PTPRG: variants seen among roughly 807,000 people sequenced by gnomAD.
PTPRG encodes protein tyrosine phosphatase receptor type G.
PTPRG carries 102 observed loss-of-function variants against 165.3 expected under a neutral mutation model. The ratio of observed to expected loss-of-function variants is 0.62; its 90% CI spans 0.53 to 0.73. The LOEUF is 0.73. Ranked by LOEUF, PTPRG falls within the 30% of genes least tolerant of loss-of-function variation. The pLI, the probability that PTPRG is intolerant of heterozygous loss-of-function variation, is 0.00. For missense variants in PTPRG, 1,866 were observed against 1,861.4 expected, an observed-to-expected ratio of 1.00 and a Z score of -0.05; for synonymous variants, 675 against 669.5, an observed-to-expected ratio of 1.01 and a Z score of -0.13.
rs150155549 is a variant in PTPRG at position 61,779,476 on chromosome 3, C to A, written c.190+30494C>A. 6.2e-3 allele frequency among the ~76,000 whole-genome samples: 940 copies of A among 152,180 alleles called. 9 individuals are homozygous for A. Among genetic ancestry groups the A allele is most frequent in the Non-Finnish European group, 0.011 (729 of 67,998 alleles). On this transcript the variant is annotated intron_variant, in intron 2 of 29. Transcript: ENST00000474889. Reference sequence around the variant, plus strand: ...GCACTGTACATCACAGATGACTTGACCCCGGGGAGATAGGGCTAAAATATC... The same window carrying A: ...GCACTGTACATCACAGATGACTTGAACCCGGGGAGATAGGGCTAAAATATC...
intron 6 of PTPRG, among the ~76,000 whole-genome samples, chr3:62,151,365 A>G (rs1704330098): frequency 6.6e-6 from 1 of 152,166 alleles, no homozygotes; most frequent in Admixed American, 6.6e-5. Context: ...CTGGTTATTC[A>G]TATTGTCATT....
chr3:61,974,130 T>A (rs1415836522), intron 2 of PTPRG, among the ~76,000 whole-genome samples: 1 of 152,170 alleles, frequency 6.6e-6, no homozygotes, highest in East Asian at 1.9e-4. Flanking sequence ...TTAGAGTGTG[T>A]TGGTATTGTT....
intron 7 of PTPRG, among the ~76,000 whole-genome samples, chr3:62,161,610 T>C (rs1473555692): frequency 6.6e-6 from 1 of 152,214 alleles, no homozygotes; most frequent in Non-Finnish European, 1.5e-5. Flanking sequence ...GATGCCATAT[T>C]AATCCAAGAG....
rs565759952 is a variant in PTPRG at position 62,002,854 on chromosome 3, A to G, written c.371-495A>G. On this transcript the variant is annotated intron_variant, in intron 3 of 29. Transcript: ENST00000474889. ...TGCCTTGATATTGGAAGCACCCACA[A>G]ATTTTTATTTCCTGATATCTTGCCT... Among the ~76,000 whole-genome samples the G allele has an allele frequency of 7.2e-5, 11 of 152,272 alleles. No homozygotes were observed. In the East Asian group the frequency reaches 1.5e-3, roughly 21 times the overall value.
chr3:61,815,830 C>T (rs1559627451), intron 2 of PTPRG, among the ~76,000 whole-genome samples: 2 of 152,206 alleles, frequency 1.3e-5, no homozygotes, highest in Admixed American at 1.3e-4. Flanking sequence ...GGAATGAATA[C>T]AGCAGAACAT....
intron 1 of PTPRG, among the ~76,000 whole-genome samples, chr3:61,595,783 T>C (rs1464839950): frequency 6.6e-6 from 1 of 152,230 alleles, no homozygotes; most frequent in Non-Finnish European, 1.5e-5. Flanking sequence ...ATCTATCTAG[T>C]GTTCACTCCA....
chr3:61,944,326 G>A (rs1000199965), intron 2 of PTPRG, among the ~76,000 whole-genome samples: 34 of 152,188 alleles, frequency 2.2e-4, no homozygotes, highest in African/African-American at 8.2e-4. Context: ...TGTGATCGGA[G>A]CGCATCTTAC....
intron 2 of PTPRG, among the ~76,000 whole-genome samples, chr3:61,825,306 C>T (rs1397665540): frequency 6.6e-6 from 1 of 152,146 alleles, no homozygotes; most frequent in African/African-American, 2.4e-5. Flanking sequence ...AAGTTAAATG[C>T]TTCAAGTGTA....
chr3:61,722,222 T>TAC (rs111827362), intron 1 of PTPRG, among the ~76,000 whole-genome samples: 27,161 of 148,962 alleles, frequency 0.18, 3,217 homozygotes, highest in East Asian at 0.53. Context: ...GCAAAACAAA[T>TAC]ACACACACAC....
chr3:61,877,553 T>C (rs1027716840), intron 2 of PTPRG, among the ~76,000 whole-genome samples: 1 of 152,204 alleles, frequency 6.6e-6, no homozygotes. Flanking sequence ...GAGTGGTTAA[T>C]GCAAGCATAC....
intron 2 of PTPRG, among the ~76,000 whole-genome samples, chr3:61,754,988 T>C (rs1303928340): frequency 6.6e-6 from 1 of 151,982 alleles, no homozygotes; most frequent in African/African-American, 2.4e-5. Context: ...CTCCTTCTTC[T>C]TCTTCTTTTT....
chr3:62,271,257 C>G lies in PTPRG; in HGVS notation c.3010-126C>G. ...GAAAGTTGGCTACAAGGGGGAATAACCTAGCCTGGGAACAGTGATTAGGGT... is the reference window on the plus strand; with the variant it reads ...GAAAGTTGGCTACAAGGGGGAATAAGCTAGCCTGGGAACAGTGATTAGGGT... On this transcript the variant is annotated intron_variant, in intron 20 of 29. Coordinates refer to ENST00000474889, the MANE Select transcript of PTPRG (RefSeq NM_002841.4). The surrounding 1 kb of genome is among the most constrained non-coding windows in gnomAD (Gnocchi z 4.1). The G allele has an allele frequency of 1.3e-6, 1 of 783,036 alleles. No individual in the cohort carries two copies. The highest frequency in any genetic ancestry group is 1.9e-6 in the Non-Finnish European group (1 of 514,244). The allele number at this position is 783,036 out of a possible 1,614,324, so 48.5% of individuals were successfully genotyped here.
chr3:61,704,183 G>A (rs940304929), intron 1 of PTPRG, among the ~76,000 whole-genome samples: 17 of 152,174 alleles, frequency 1.1e-4, no homozygotes, highest in African/African-American at 4.1e-4. Context: ...GCCAAGTTCT[G>A]GAGGTAGACG....
rs1700404165 is a variant in PTPRG, at chr3:62,213,110, T to C, written c.2156-5741T>C. On this transcript the variant is annotated intron_variant, in intron 12 of 29. Coordinates refer to ENST00000474889, the MANE Select transcript of PTPRG (RefSeq NM_002841.4). The surrounding 1 kb of genome is among the most constrained non-coding windows in gnomAD (Gnocchi z 4.4). ...TCTGCTGGACCCTTCAGGAGGCAGC[T>C]AGGTTACCAGCAAAGCTCCGAGTGA... Among the ~76,000 whole-genome samples, 1 of 152,156 alleles carries C rather than the reference T, an allele frequency of 6.6e-6. No individual in the cohort carries two copies. The highest frequency in any genetic ancestry group is 1.5e-5 in the Non-Finnish European group (1 of 68,028).
intron 1 of PTPRG, among the ~76,000 whole-genome samples, chr3:61,674,924 A>G (rs959230717): frequency 6.6e-6 from 1 of 152,184 alleles, no homozygotes. Flanking sequence ...GTCATTTTAA[A>G]TCCCCAAATC....
chr3:61,706,744 C>G (rs993446774), intron 1 of PTPRG, among the ~76,000 whole-genome samples: 29 of 152,128 alleles, frequency 1.9e-4, no homozygotes, highest in Non-Finnish European at 3.5e-4. Context: ...CCCGCCTCAG[C>G]CTCCCAAAGT....
chr3:62,154,209 A>G (rs563168508), intron 6 of PTPRG, among the ~76,000 whole-genome samples: 50 of 152,270 alleles, frequency 3.3e-4, no homozygotes, highest in African/African-American at 1.1e-3. Context: ...TTGGCCTCCA[A>G]AGCCACTGAA....
intron 4 of PTPRG, among the ~76,000 whole-genome samples, chr3:62,064,054 T>C (rs999637439): frequency 3.3e-5 from 5 of 152,220 alleles, no homozygotes; most frequent in African/African-American, 1.2e-4. Flanking sequence ...AGATTCACCC[T>C]CTTCTTCTTA....
intron 6 of PTPRG, among the ~76,000 whole-genome samples, chr3:62,147,165 C>T (rs1248751938): frequency 1.3e-5 from 2 of 152,272 alleles, no homozygotes; most frequent in East Asian, 1.9e-4. Flanking sequence ...AGAAAGGCCA[C>T]AGCAGGGCCT....
Sources: gnomAD v4.1 joint callset for allele counts (sites outside exome capture counted in the v4.1 genomes callset) on GRCh38, gnomAD v4.1.1 for gene constraint, Gnocchi (gnomAD v3.1) non-coding constraint, MANE v1.5 for transcripts, NCBI Gene and HGNC (gene_info 2026-07-23, HGNC 2026-07-21) for gene names.